Variants in OSBPL1A observed in about 807,000 individuals in gnomAD.
OSBPL1A encodes the protein oxysterol-binding protein-related protein 1.
In OSBPL1A, 80 loss-of-function variants were observed where a neutral mutation model predicts 137.1. That is an observed-to-expected ratio of 0.58 (90% CI 0.49 to 0.70). The LOEUF (loss-of-function observed/expected upper bound fraction) is 0.70. Among genes scored for constraint, OSBPL1A ranks in the 30% least tolerant of loss-of-function variants. The pLI is 0.00. For synonymous variants in OSBPL1A, 365 were observed against 389.7 expected (o/e 0.94, Z 0.75); for missense variants, 970 against 1,129.4 (o/e 0.86, Z 2.02).
chr18:24,279,428 C>CA lies in OSBPL1A; in HGVS notation c.1281+1413dup, dbSNP rs971710133. On this transcript the variant is annotated intron_variant, in intron 15 of 27. Coordinates refer to ENST00000319481, the MANE Select transcript of OSBPL1A (RefSeq NM_080597.4). ...TGGGCAACAGAGTGAGACCCTGTCT[C>CA]AAAAAAAAAATTGTATATGAATTCA... is the stretch of plus-strand genomic sequence containing the variant. Among the ~76,000 whole-genome samples the CA allele has an allele frequency of 3.5e-3, 504 of 145,708 alleles. 5 individuals carry two copies. The highest frequency in any genetic ancestry group is 0.011 in the African/African-American group (449 of 39,688).
At chr18:24,246,098 G>C (rs904015794) in intron 15 of OSBPL1A, among the ~76,000 whole-genome samples, 1 of 152,056 alleles carries the variant, frequency 6.6e-6, no homozygotes, top group Admixed American at 6.5e-5. Flanking sequence ...TGTAATCCCA[G>C]CTACTTGGGA....
intron 15 of OSBPL1A, among the ~76,000 whole-genome samples, chr18:24,273,813 A>G (rs2089779018): frequency 6.6e-6 from 1 of 152,210 alleles, no homozygotes; most frequent in South Asian, 2.1e-4. Context: ...TGGAGCCTGT[A>G]TGAGGAAATG....
intron 16 of OSBPL1A, among the ~76,000 whole-genome samples, chr18:24,230,057 C>T (rs2088222943): frequency 6.6e-6 from 1 of 152,144 alleles, no homozygotes; most frequent in South Asian, 2.1e-4. Flanking sequence ...ACCAATAATT[C>T]AATCATAAAA....
chr18:24,185,382 C>T (rs2086720289), intron 18 of OSBPL1A, among the ~76,000 whole-genome samples: 2 of 149,596 alleles, frequency 1.3e-5, no homozygotes, highest in South Asian at 4.2e-4. Context: ...GGCTGGAGTG[C>T]AATGGCGGCT....
At chr18:24,274,176 G>A (rs1209388431) in intron 15 of OSBPL1A, among the ~76,000 whole-genome samples, 1 of 149,440 alleles carries the variant, frequency 6.7e-6, no homozygotes, top group African/African-American at 2.5e-5. Context: ...AGAGGTTGCA[G>A]TGAGCCAAGA....
chr18:24,208,686 G>A (rs2087442809), intron 17 of OSBPL1A, among the ~76,000 whole-genome samples: 1 of 152,140 alleles, frequency 6.6e-6, no homozygotes, highest in Non-Finnish European at 1.5e-5. Context: ...GAATGGCATA[G>A]AACCTGTAAT....
chr18:24,392,420 T>C (rs956273454), intron 1 of OSBPL1A, among the ~76,000 whole-genome samples: 4 of 151,028 alleles, frequency 2.6e-5, no homozygotes, highest in Non-Finnish European at 5.9e-5. Flanking sequence ...CGGCCTCCCA[T>C]AGTGCTGAGA....
At chr18:24,234,585 C>T (rs1250160890) in intron 16 of OSBPL1A, among the ~76,000 whole-genome samples, 3 of 152,184 alleles carry the variant, frequency 2.0e-5, no homozygotes, top group Admixed American at 6.5e-5. Flanking sequence ...TGCACCAAGG[C>T]TTGCTTCACC....
Position 24,225,069 on chromosome 18 carries a change from G to A in OSBPL1A, c.1574C>T (p.Ala525Val), listed in dbSNP as rs1302193268. ...SEEKDCGGGD[A>V]LSNGIKKHRT... Reference sequence around the variant, plus strand: ...GTGTTTCTTGATGCCATTGGAGAGAGCATCTCCGCCACCACAGTCTTTTTC... The same window carrying A: ...GTGTTTCTTGATGCCATTGGAGAGAACATCTCCGCCACCACAGTCTTTTTC... Residue 525 changes from alanine to valine, a missense_variant, in exon 17 of 28, where the codon GCT becomes GTT. By Grantham distance (64) the Ala-to-Val change is moderately conservative. Coordinates refer to ENST00000319481, the MANE Select transcript of OSBPL1A (RefSeq NM_080597.4). 20 of 1,614,052 alleles carry A rather than the reference G, an allele frequency of 1.2e-5. No homozygotes were observed. Among genetic ancestry groups the A allele is most frequent in the African/African-American group, 2.7e-5 (2 of 74,938 alleles).
At chr18:24,293,224 T>C (rs1292413030) in intron 14 of OSBPL1A, among the ~76,000 whole-genome samples, 1 of 150,832 alleles carries the variant, frequency 6.6e-6, no homozygotes, top group Non-Finnish European at 1.5e-5. Flanking sequence ...GAGACTGGCG[T>C]GCGGGACACA....
At chr18:24,280,613 A>C (rs2017048299) in intron 15 of OSBPL1A, among the ~76,000 whole-genome samples, 1 of 152,204 alleles carries the variant, frequency 6.6e-6, no homozygotes, top group Non-Finnish European at 1.5e-5. Flanking sequence ...TTTTAAGTAT[A>C]CTTATTAAAT....
intron 4 of OSBPL1A, among the ~76,000 whole-genome samples, chr18:24,353,297 G>A (rs2091475211): frequency 6.6e-6 from 1 of 152,138 alleles, no homozygotes; most frequent in Non-Finnish European, 1.5e-5. Context: ...CATTTACGCA[G>A]CCAAAAAACA....
At chr18:24,184,568 A>C (rs931373956) in intron 18 of OSBPL1A, among the ~76,000 whole-genome samples, 5 of 152,198 alleles carry the variant, frequency 3.3e-5, no homozygotes, top group Non-Finnish European at 5.9e-5. Context: ...CTAGAGTACC[A>C]AAATGTACTG....
At chr18:24,253,167 C>CGG (rs1340675508) in intron 15 of OSBPL1A, among the ~76,000 whole-genome samples, 9 of 95,042 alleles carry the variant, frequency 9.5e-5, no homozygotes, top group East Asian at 6.7e-4. Context: ...AAAGACATGG[C>CGG]GGGGGGGGGC....
chr18:24,218,186 TTGA>T (rs1417419141), intron 17 of OSBPL1A: 1 of 152,110 alleles, frequency 6.6e-6, no homozygotes, highest in Non-Finnish European at 1.5e-5. Flanking sequence ...AACTAAATAC[TTGA>T]TGATAATTAA....
chr18:24,324,891 T>C (rs2090943815), intron 7 of OSBPL1A, among the ~76,000 whole-genome samples: 1 of 150,728 alleles, frequency 6.6e-6, no homozygotes, highest in South Asian at 2.1e-4. Flanking sequence ...ATCGAGACCA[T>C]CCTGGCCAAC....
In OSBPL1A at chr18:24,348,115, A is replaced by G. The variant is rs1481857642; in HGVS notation, c.283-6457T>C. Among the ~76,000 whole-genome samples the G allele has an allele frequency of 3.3e-5, 5 of 152,028 alleles. No individual in the cohort carries two copies. In the East Asian group the frequency reaches 9.7e-4, roughly 29 times the overall value. ...CAATGCCCATATGTGTGGAAATACA[A>G]CTCCCTAGACTTTGGCAAATAAAGA... On this transcript the variant is annotated intron_variant, in intron 4 of 27. Transcript: ENST00000319481.
chr18:24,193,074 G>C (rs1445206476), intron 18 of OSBPL1A, among the ~76,000 whole-genome samples: 2 of 152,152 alleles, frequency 1.3e-5, no homozygotes, highest in East Asian at 1.9e-4. Flanking sequence ...TAAGAAGCTG[G>C]GTAAATGGAG....
At chr18:24,340,447 G>C (rs1266835573) in intron 5 of OSBPL1A, among the ~76,000 whole-genome samples, 4 of 152,102 alleles carry the variant, frequency 2.6e-5, no homozygotes, top group Admixed American at 1.3e-4. Context: ...GCCGAGATGG[G>C]AGGATCGCTT....
Sources: gnomAD v4.1 joint callset for allele counts (sites outside exome capture counted in the v4.1 genomes callset) on GRCh38, gnomAD v4.1.1 for gene constraint, MANE v1.5 for transcripts, NCBI Gene and HGNC (gene_info 2026-07-23, HGNC 2026-07-21) for gene names.